The following ACKR5 variants were observed in gnomAD, a reference collection of about 807,000 sequenced individuals.
ACKR5 encodes the protein atypical chemokine receptor 5.
At chr12:56,996,127 C>G in the ACKR5 span, 1 of 1,613,978 alleles carries the variant, frequency 6.2e-7, no homozygotes. Context: ...ATGTCATTGA[C>G]TGCTTCTCCA....
At chr12:56,995,509 G>A in the ACKR5 span, 44 of 1,614,062 alleles carry the variant, frequency 2.7e-5, no homozygotes, top group Non-Finnish European at 3.5e-5. This position sits in a 1 kb window ranked among gnomAD's most constrained non-coding sequence, Gnocchi z 4.7. Flanking sequence ...TCGCGGACCT[G>A]GGCATTGTCC....
the ACKR5 span, chr12:56,997,549 T>C: frequency 2.6e-5 from 4 of 152,242 alleles, no homozygotes; most frequent in Admixed American, 1.3e-4. Flanking sequence ...TGTTAACAAG[T>C]AGACCTTCTG....
the ACKR5 span, chr12:56,996,550 A>G: frequency 1.2e-6 from 1 of 800,148 alleles, no homozygotes; most frequent in Non-Finnish European, 2.0e-6. Flanking sequence ...ATCTTAAAAT[A>G]CTGAGGTGTG....
the ACKR5 span, chr12:56,995,742 G>C: frequency 6.2e-7 from 1 of 1,613,822 alleles, no homozygotes; most frequent in Non-Finnish European, 8.5e-7. The surrounding 1 kb of genome is among the most constrained non-coding windows in gnomAD (Gnocchi z 4.7). Context: ...GCAGGCATCT[G>C]GGTCCTCTCG....
chr12:56,995,539 G>A, the ACKR5 span: 7 of 1,613,992 alleles, frequency 4.3e-6, no homozygotes, highest in Non-Finnish European at 5.9e-6. This position sits in a 1 kb window ranked among gnomAD's most constrained non-coding sequence, Gnocchi z 4.7. Flanking sequence ...CCGTGTGGAT[G>A]CTGGAGGTCA....
chr12:56,996,005 G>A, the ACKR5 span: 352 of 1,610,018 alleles, frequency 2.2e-4, 1 homozygote, highest in Admixed American at 3.3e-4. Context: ...CTACGTGGCC[G>A]TCTTTGTCAT....
At chr12:56,995,492 A>G in the ACKR5 span, 3 of 1,614,094 alleles carry the variant, frequency 1.9e-6, no homozygotes, top group East Asian at 2.2e-5. This position sits in a 1 kb window ranked among gnomAD's most constrained non-coding sequence, Gnocchi z 4.7. Flanking sequence ...CATCCTCAAC[A>G]TGGCCATCGC....
chr12:56,995,108 GCCC>G, the ACKR5 span: 1 of 1,038,386 alleles, frequency 9.6e-7, no homozygotes, highest in Non-Finnish European at 1.4e-6. The surrounding 1 kb of genome is among the most constrained non-coding windows in gnomAD (Gnocchi z 4.7). Context: ...TTTCCCCAAA[GCCC>G]CCGACTCCCT....
At chr12:56,994,903 T>C in the ACKR5 span, among the ~76,000 whole-genome samples, 1 of 127,648 alleles carries the variant, frequency 7.8e-6, no homozygotes, top group South Asian at 2.6e-4. Context: ...TGTGGGGGGA[T>C]TGAGGGGGTT....
the ACKR5 span, chr12:56,996,296 A>G: frequency 6.2e-7 from 1 of 1,613,962 alleles, no homozygotes; most frequent in African/African-American, 1.3e-5. Flanking sequence ...TTCCATCATC[A>G]TCACCAAGGG....
At chr12:56,996,772 A>C in the ACKR5 span, 258 of 224,782 alleles carry the variant, frequency 1.1e-3, 3 homozygotes, top group Admixed American at 1.3e-3. Context: ...GAAACTAGAC[A>C]CATTCATTTC....
At chr12:56,998,040 A>T in the ACKR5 span, 3 of 152,250 alleles carry the variant, frequency 2.0e-5, no homozygotes, top group Non-Finnish European at 4.4e-5. Flanking sequence ...TTAGCCTATC[A>T]ATGCAGAATT....
At chr12:56,995,368 C>T in the ACKR5 span, 52 of 1,614,094 alleles carry the variant, frequency 3.2e-5, no homozygotes, top group African/African-American at 1.3e-4. The surrounding 1 kb of genome is among the most constrained non-coding windows in gnomAD (Gnocchi z 4.7). Context: ...GCACCAAGCG[C>T]GTGGTCCTCT....
the ACKR5 span, chr12:56,996,494 G>A: frequency 4.3e-6 from 6 of 1,388,008 alleles, no homozygotes; most frequent in East Asian, 9.3e-5. Context: ...AGATTTGGGG[G>A]GATGTAGAGG....
the ACKR5 span, chr12:56,997,062 G>A: frequency 2.0e-5 from 3 of 149,910 alleles, no homozygotes; most frequent in Non-Finnish European, 3.0e-5. Flanking sequence ...CTCCACCCGC[G>A]GCCATCCAGG....
chr12:56,996,184 A>G, the ACKR5 span: 1 of 1,613,984 alleles, frequency 6.2e-7, no homozygotes, highest in South Asian at 1.1e-5. Context: ...TTCTCAGCCC[A>G]CACTTCCGGG....
chr12:56,996,192 G>A, the ACKR5 span: 48 of 1,613,986 alleles, frequency 3.0e-5, no homozygotes, highest in East Asian at 2.7e-4. Flanking sequence ...CCACACTTCC[G>A]GGGCCGGCTC....
At chr12:56,995,698 G>A in the ACKR5 span, 59 of 1,613,694 alleles carry the variant, frequency 3.7e-5, no homozygotes, top group Non-Finnish European at 4.7e-5. This position sits in a 1 kb window ranked among gnomAD's most constrained non-coding sequence, Gnocchi z 4.7. Context: ...CCTCCTGGCA[G>A]CGTTACCAGC....
chr12:56,998,843 TTTC>T, the ACKR5 span: 1 of 152,658 alleles, frequency 6.6e-6, no homozygotes, highest in Non-Finnish European at 1.5e-5. Flanking sequence ...TCATTTCAAA[TTTC>T]TTTTTTTATT....
Sources: gnomAD v4.1 joint callset for allele counts (sites outside exome capture counted in the v4.1 genomes callset) on GRCh38, gnomAD v4.1.1 for gene constraint, Gnocchi (gnomAD v3.1) non-coding constraint, MANE v1.5 for transcripts, NCBI Gene and HGNC (gene_info 2026-07-23, HGNC 2026-07-21) for gene names.